The following JAM3 variants were observed in gnomAD, a reference collection of about 807,000 sequenced individuals.
JAM3 encodes the protein junctional adhesion molecule C.
JAM3 carries 31 observed loss-of-function variants against 39.4 expected under a neutral mutation model. The observed-to-expected ratio is 0.79, with a 90% confidence interval of 0.59 to 1.06. JAM3 has a LOEUF of 1.06. JAM3 is among the 50% of genes least tolerant of loss of function. The pLI, the probability that JAM3 is intolerant of heterozygous loss-of-function variation, is 0.00. For synonymous variants in JAM3, 182 were observed against 148.7 expected (o/e 1.22, Z -1.63); for missense variants, 455 against 391.4 (o/e 1.16, Z -1.37).
At chr11:134,085,595 G>T (rs1460317937) in intron 1 of JAM3, among the ~76,000 whole-genome samples, 1 of 151,998 alleles carries the variant, frequency 6.6e-6, no homozygotes, top group Non-Finnish European at 1.5e-5. Context: ...CCTACTGGGG[G>T]CTCCACTATG....
At chr11:134,121,823 A>C (rs612915) in intron 1 of JAM3, among the ~76,000 whole-genome samples, 4 of 124,418 alleles carry the variant, frequency 3.2e-5, no homozygotes, top group Non-Finnish European at 6.4e-5. Context: ...ATGTGTGCGC[A>C]CACACACACA....
intron 1 of JAM3, among the ~76,000 whole-genome samples, chr11:134,129,734 G>T (rs1010157597): frequency 2.0e-5 from 3 of 152,200 alleles, no homozygotes; most frequent in East Asian, 1.9e-4. Context: ...AGGCGTGATG[G>T]CTTACGCCTG....
chr11:134,148,499 T>C (rs977595486), intron 6 of JAM3, 48 bp from the exon 7 acceptor site: 2 of 1,613,616 alleles, frequency 1.2e-6, no homozygotes, highest in Admixed American at 1.7e-5. Flanking sequence ...CCTTTTTAAA[T>C]AACAGATAGT....
chr11:134,121,816 T>TGC (rs1454079650), intron 1 of JAM3, among the ~76,000 whole-genome samples: 3 of 111,152 alleles, frequency 2.7e-5, no homozygotes, highest in African/African-American at 9.8e-5. Flanking sequence ...TGCGTGCATG[T>TGC]GTGCGCACAC....
intron 1 of JAM3, among the ~76,000 whole-genome samples, chr11:134,130,480 T>C (rs1459842101): frequency 6.6e-6 from 1 of 152,130 alleles, no homozygotes; most frequent in Non-Finnish European, 1.5e-5. Flanking sequence ...CTTACAGTGA[T>C]CTCAGCAAAA....
intron 1 of JAM3, among the ~76,000 whole-genome samples, chr11:134,123,532 CAG>C (rs1942578173): frequency 6.6e-6 from 1 of 152,210 alleles, no homozygotes; most frequent in African/African-American, 2.4e-5. Context: ...TTTAAAAAGA[CAG>C]ATTTCAAAAT....
chr11:134,133,986 G>C (rs985177694), intron 1 of JAM3, among the ~76,000 whole-genome samples: 1 of 151,996 alleles, frequency 6.6e-6, no homozygotes, highest in Non-Finnish European at 1.5e-5. Flanking sequence ...ATATGCTAAG[G>C]GTTCTAATGG....
At chr11:134,095,586 G>C (rs998164731) in intron 1 of JAM3, among the ~76,000 whole-genome samples, 4 of 151,320 alleles carry the variant, frequency 2.6e-5, no homozygotes, top group Admixed American at 1.3e-4. Flanking sequence ...AGCCGAGATC[G>C]CGCCACTGCA....
intron 2 of JAM3, 113 bp from the exon 3 acceptor site, chr11:134,140,544 G>C: frequency 2.3e-6 from 2 of 861,862 alleles, no homozygotes; most frequent in South Asian, 1.4e-5. Context: ...AGTTGGCTAC[G>C]TTTTTAATCT....
At chr11:134,088,683 C>T (rs1941788311) in intron 1 of JAM3, among the ~76,000 whole-genome samples, 1 of 152,134 alleles carries the variant, frequency 6.6e-6, no homozygotes, top group Non-Finnish European at 1.5e-5. Flanking sequence ...TTTTAAGACA[C>T]GGATTTGTGA....
intron 1 of JAM3, among the ~76,000 whole-genome samples, chr11:134,102,463 C>T (rs1248226845): frequency 6.6e-5 from 10 of 152,122 alleles, no homozygotes; most frequent in Admixed American, 1.3e-4. Context: ...GCGCTTCTCC[C>T]CCTCCAAAGG....
rs769457366 is a variant in JAM3 at position 134,131,154 on chromosome 11, A to G, written c.77-8697A>G. ...CAGGCTGATCTCTAGATTCAGAATAAGCCTAGCTAAGAGATGAAGGAGTAC... is the reference window on the plus strand; with the variant it reads ...CAGGCTGATCTCTAGATTCAGAATAGGCCTAGCTAAGAGATGAAGGAGTAC... On this transcript the variant is annotated intron_variant, in intron 1 of 8. Transcript: ENST00000299106. 1.0e-3 allele frequency among the ~76,000 whole-genome samples: 153 copies of G among 147,470 alleles called. 2 individuals carry two copies. The highest frequency in any genetic ancestry group is 3.6e-4 in the Non-Finnish European group (24 of 67,300).
intron 1 of JAM3, among the ~76,000 whole-genome samples, chr11:134,130,927 T>C (rs1175683790): frequency 6.6e-6 from 1 of 152,174 alleles, no homozygotes; most frequent in African/African-American, 2.4e-5. Flanking sequence ...ACAGAGTGAC[T>C]ATAAACCTAC....
chr11:134,112,213 A>G (rs184897893), intron 1 of JAM3, among the ~76,000 whole-genome samples: 1 of 152,210 alleles, frequency 6.6e-6, no homozygotes, highest in Non-Finnish European at 1.5e-5. Context: ...CAGCCTCCCA[A>G]GTAGCTGGAA....
chr11:134,138,390 GTGT>G lies in JAM3; in HGVS notation c.77-1460_77-1458del, dbSNP rs1942911021. Among the ~76,000 whole-genome samples the G allele has an allele frequency of 5.2e-5, 6 of 114,786 alleles. No homozygotes were observed. The East Asian group carries it at 1.1e-3, about 21-fold the overall frequency. The allele number at this position is 114,786 out of a possible 152,430, so 75.3% of individuals were successfully genotyped here. A position where few individuals can be genotyped will look rare whatever the true frequency, so the allele number is the denominator to read the frequency against. On this transcript the variant is annotated intron_variant, in intron 1 of 8. Transcript: ENST00000299106. Reference sequence around the variant, plus strand: ...CACTAGTCCCTTAGAGCCAGTGGTGGTGTCTCGTCGAAGTCGTGGTGCTCATAC... The same window carrying G: ...CACTAGTCCCTTAGAGCCAGTGGTGGCTCGTCGAAGTCGTGGTGCTCATAC...
At chr11:134,149,101 G>T in intron 8 of JAM3, 45 bp from the exon 9 acceptor site, 1 of 1,612,990 alleles carries the variant, frequency 6.2e-7, no homozygotes, top group Non-Finnish European at 8.5e-7. Flanking sequence ...TTCCCTGCTT[G>T]CCACCAGGCC....
intron 3 of JAM3, among the ~76,000 whole-genome samples, chr11:134,141,979 A>G (rs760632817): frequency 1.4e-4 from 21 of 151,976 alleles, no homozygotes; most frequent in Non-Finnish European, 5.9e-5. Flanking sequence ...TCTCCTCAAA[A>G]GAGTTTTGCT....
intron 8 of JAM3, 43 bp downstream of exon 8, chr11:134,148,861 G>A: frequency 6.3e-7 from 1 of 1,597,366 alleles, no homozygotes; most frequent in Non-Finnish European, 8.6e-7. Context: ...TACCCAGCAG[G>A]GAAAACAACA....
intron 1 of JAM3, among the ~76,000 whole-genome samples, chr11:134,092,545 A>G (rs1386636710): frequency 2.1e-5 from 3 of 144,782 alleles, no homozygotes; most frequent in African/African-American, 7.8e-5. Context: ...TCCACCTTAC[A>G]TCTTATTCAT....
Sources: gnomAD v4.1 joint callset for allele counts (sites outside exome capture counted in the v4.1 genomes callset) on GRCh38, gnomAD v4.1.1 for gene constraint, MANE v1.5 for transcripts, NCBI Gene and HGNC (gene_info 2026-07-23, HGNC 2026-07-21) for gene names.